ZNF536: variants seen among roughly 807,000 people sequenced by gnomAD.
ZNF536 encodes the protein zinc finger protein 536.
A neutral mutation model predicts 84.5 loss-of-function variants in ZNF536; 13 were observed. The observed-to-expected ratio is 0.15, with a 90% confidence interval of 0.10 to 0.24. ZNF536 has a LOEUF of 0.24. ZNF536 is among the 10% of genes least tolerant of loss of function. The probability of loss-of-function intolerance (pLI) is 1.00; values close to 1 mark genes in which losing one functional copy is unlikely to be tolerated. For synonymous variants in ZNF536, 811 were observed against 742.5 expected (o/e 1.09, Z -1.50); for missense variants, 1,536 against 1,747.5 (o/e 0.88, Z 2.16).
At chr19:30,386,257 C>G (rs528913873) in intron 1 of ZNF536, among the ~76,000 whole-genome samples, 1 of 152,200 alleles carries the variant, frequency 6.6e-6, no homozygotes, top group Non-Finnish European at 1.5e-5. Flanking sequence ...CCAATTCTCA[C>G]GCTGCTCTGA....
At chr19:30,602,940 C>G (rs531793591) in intron 1 of ZNF536, among the ~76,000 whole-genome samples, 1 of 152,172 alleles carries the variant, frequency 6.6e-6, no homozygotes, top group Non-Finnish European at 1.5e-5. Flanking sequence ...AGCTAGACTT[C>G]GGTACCCATC....
Position 30,443,243 on chromosome 19 carries a change from A to G in ZNF536, c.-2-318A>G, listed in dbSNP as rs145401637. ...AATGGGGCAACGGAGAAAAAGTTTC[A>G]CACGTAGACCCTTGATTTGTTATTA... On this transcript the variant is annotated intron_variant, in intron 1 of 4. Transcript: ENST00000355537. 2.1e-3 allele frequency among the ~76,000 whole-genome samples: 325 copies of G among 152,306 alleles called. 3 individuals carry two copies. The highest frequency in any genetic ancestry group is 7.3e-3 in the African/African-American group (304 of 41,564).
At chr19:30,387,653 G>T (rs959343702) in intron 1 of ZNF536, among the ~76,000 whole-genome samples, 1 of 152,212 alleles carries the variant, frequency 6.6e-6, no homozygotes, top group Non-Finnish European at 1.5e-5. Context: ...AACAGAAAGG[G>T]ACATTTGTTG....
chr19:30,243,207 CT>C (rs1293039987), intron 1 of ZNF536, among the ~76,000 whole-genome samples: 8 of 151,354 alleles, frequency 5.3e-5, no homozygotes, highest in South Asian at 2.1e-4. Context: ...TGTGGAACAG[CT>C]TTTTTTTTCT....
chr19:30,339,294 G>A (rs752746226), intron 2 of ZNF536, among the ~76,000 whole-genome samples: 9 of 152,180 alleles, frequency 5.9e-5, no homozygotes, highest in Admixed American at 1.3e-4. Context: ...CTGGACACTG[G>A]CATATTGGTC....
At chr19:30,532,895 G>T (rs56127002) in intron 2 of ZNF536, among the ~76,000 whole-genome samples, 14,406 of 152,228 alleles carry the variant, frequency 0.095, 948 homozygotes, top group Non-Finnish European at 0.14. Flanking sequence ...GTGTCCATTT[G>T]CCCTGATCAA....
chr19:30,471,146 C>T (rs2053618745), intron 2 of ZNF536, among the ~76,000 whole-genome samples: 1 of 152,118 alleles, frequency 6.6e-6, no homozygotes, highest in Non-Finnish European at 1.5e-5. Flanking sequence ...ATGTTCTTCT[C>T]ATGGTTAGAC....
chr19:30,390,226 T>C (rs901595848), intron 1 of ZNF536, among the ~76,000 whole-genome samples: 1 of 152,308 alleles, frequency 6.6e-6, no homozygotes, highest in Non-Finnish European at 1.5e-5. Flanking sequence ...TTGCTTTTTT[T>C]CCTTTACTTT....
intron 2 of ZNF536, among the ~76,000 whole-genome samples, chr19:30,475,207 A>G (rs1568467574): frequency 6.6e-6 from 1 of 152,150 alleles, no homozygotes; most frequent in African/African-American, 2.4e-5. Flanking sequence ...CAGCCTCCCG[A>G]GTAGCTGGGA....
intron 2 of ZNF536, among the ~76,000 whole-genome samples, chr19:30,514,905 T>C (rs1215181196): frequency 6.6e-6 from 1 of 152,102 alleles, no homozygotes; most frequent in Non-Finnish European, 1.5e-5. Context: ...CCTGGATTTG[T>C]AATTCAACCT....
At chr19:30,297,984 G>T (rs549774857) in intron 2 of ZNF536, among the ~76,000 whole-genome samples, 1 of 150,912 alleles carries the variant, frequency 6.6e-6, no homozygotes, top group South Asian at 2.1e-4. Flanking sequence ...AGGTTCAAAG[G>T]ATTCTCCTGC....
intron 1 of ZNF536, among the ~76,000 whole-genome samples, chr19:30,406,565 T>G (rs918390172): frequency 6.6e-6 from 1 of 152,126 alleles, no homozygotes; most frequent in African/African-American, 2.4e-5. Context: ...CTCCAAGCAT[T>G]GAGGAAACTT....
chr19:30,538,886 G>A (rs577345256), intron 3 of ZNF536, among the ~76,000 whole-genome samples: 1 of 152,034 alleles, frequency 6.6e-6, no homozygotes, highest in Non-Finnish European at 1.5e-5. Flanking sequence ...CATCAGTCAG[G>A]GTTCTCCAGA....
intron 3 of ZNF536, among the ~76,000 whole-genome samples, chr19:30,353,274 G>T (rs2047989901): frequency 6.6e-6 from 1 of 152,194 alleles, no homozygotes; most frequent in African/African-American, 2.4e-5. Flanking sequence ...AGGGTCTGGG[G>T]CTCCGAGGTG....
At chr19:30,229,495 C>G (rs2022851814) in intron 1 of ZNF536, among the ~76,000 whole-genome samples, 1 of 152,132 alleles carries the variant, frequency 6.6e-6, no homozygotes, top group African/African-American at 2.4e-5. Context: ...AGACTAGAAC[C>G]CTAGTTCTTG....
At chr19:30,637,466 C>G (rs2049109115) in intron 1 of ZNF536, among the ~76,000 whole-genome samples, 1 of 152,230 alleles carries the variant, frequency 6.6e-6, no homozygotes, top group Admixed American at 6.5e-5. Context: ...TTGCAACTCT[C>G]TGCCTTTTCA....
intron 3 of ZNF536, among the ~76,000 whole-genome samples, chr19:30,543,838 G>A (rs1487770953): frequency 6.6e-6 from 1 of 152,094 alleles, no homozygotes; most frequent in East Asian, 1.9e-4. Context: ...GAAACAGCTG[G>A]GATGTTTCCA....
chr19:30,295,725 C>A (rs1437012773), intron 2 of ZNF536, among the ~76,000 whole-genome samples: 1 of 152,040 alleles, frequency 6.6e-6, no homozygotes, highest in Non-Finnish European at 1.5e-5. Flanking sequence ...GGAAAACTTT[C>A]ACTTGAAAAA....
At chr19:30,233,007 T>G (rs2144681514) in intron 1 of ZNF536, among the ~76,000 whole-genome samples, 1 of 152,326 alleles carries the variant, frequency 6.6e-6, no homozygotes. Context: ...TGGTCCTACC[T>G]TTGGGGACTG....
Sources: gnomAD v4.1 joint callset for allele counts (sites outside exome capture counted in the v4.1 genomes callset) on GRCh38, gnomAD v4.1.1 for gene constraint, MANE v1.5 for transcripts, NCBI Gene and HGNC (gene_info 2026-07-23, HGNC 2026-07-21) for gene names.